Variants in EZH2 observed in about 807,000 individuals in gnomAD.
The protein encoded by EZH2 is histone-lysine N-methyltransferase EZH2.
EZH2 carries 18 observed loss-of-function variants against 98.4 expected under a neutral mutation model. The ratio of observed to expected loss-of-function variants is 0.18; its 90% CI spans 0.13 to 0.27. EZH2 has a LOEUF of 0.27. Among genes scored for constraint, EZH2 ranks in the 10% least tolerant of loss-of-function variants. EZH2 has a pLI of 1.00. For missense variants in EZH2, 470 were observed against 935.1 expected, an observed-to-expected ratio of 0.50 and a Z score of 6.49; for synonymous variants, 338 against 312.3, an observed-to-expected ratio of 1.08 and a Z score of -0.87.
chr7:148,843,583 GTTTTTTTTTTT>G (rs1157236882), intron 3 of EZH2, among the ~76,000 whole-genome samples: 27 of 64,342 alleles, frequency 4.2e-4, no homozygotes, highest in East Asian at 1.1e-3. Flanking sequence ...GGGAGTATAA[GTTTTTTTTTTT>G]TTTTTTTTTT....
chr7:148,835,423 CAAAAAAAAA>C (rs545080861), intron 3 of EZH2, among the ~76,000 whole-genome samples: 2 of 71,418 alleles, frequency 2.8e-5, no homozygotes, highest in African/African-American at 5.1e-5. Flanking sequence ...GACCCCGCCT[CAAAAAAAAA>C]AAAAAAAAGA....
intron 8 of EZH2, among the ~76,000 whole-genome samples, chr7:148,824,167 T>C (rs1806991444): frequency 6.6e-6 from 1 of 152,044 alleles, no homozygotes. Flanking sequence ...ATACAAAAAT[T>C]AGCTGGACGT....
chr7:148,826,738 T>C (rs1229553841), intron 7 of EZH2, 106 bp from the exon 8 acceptor site: 7 of 884,362 alleles, frequency 7.9e-6, no homozygotes, highest in African/African-American at 1.7e-5. Flanking sequence ...TTATCTTGCC[T>C]AAAACATAAA....
intron 3 of EZH2, among the ~76,000 whole-genome samples, chr7:148,839,414 T>C (rs1187971785): frequency 1.3e-5 from 2 of 151,218 alleles, no homozygotes; most frequent in African/African-American, 4.9e-5. Flanking sequence ...AAAGGAAAGA[T>C]AGGTAGATAA....
At chr7:148,871,403 T>TAAAAAAAAAA (rs71529646) in intron 1 of EZH2, among the ~76,000 whole-genome samples, 10 of 88,716 alleles carry the variant, frequency 1.1e-4, no homozygotes, top group Admixed American at 2.7e-4. Context: ...GACGAATAAT[T>TAAAAAAAAAA]AAAAAAAAAA....
chr7:148,816,455 G>A (rs59844609), intron 12 of EZH2, among the ~76,000 whole-genome samples: 174 of 152,296 alleles, frequency 1.1e-3, no homozygotes, highest in African/African-American at 3.7e-3. Context: ...TCTGGTAACC[G>A]TAATTTTTAT....
chr7:148,814,616 TA>T (rs1248010538), intron 14 of EZH2, among the ~76,000 whole-genome samples: 1 of 152,202 alleles, frequency 6.6e-6, no homozygotes, highest in East Asian at 1.9e-4. Flanking sequence ...AGATTCCTCT[TA>T]CAATCTGTGC....
chr7:148,855,023 G>T (rs1462001416), intron 1 of EZH2, among the ~76,000 whole-genome samples: 3 of 152,242 alleles, frequency 2.0e-5, no homozygotes, highest in Non-Finnish European at 4.4e-5. Flanking sequence ...ACCTGTCCCT[G>T]TAAAAAGGAA....
chr7:148,831,427 T>G (rs190893234), intron 4 of EZH2, among the ~76,000 whole-genome samples: 1 of 152,190 alleles, frequency 6.6e-6, no homozygotes, highest in Non-Finnish European at 1.5e-5. Flanking sequence ...TTCAATCATA[T>G]CCACATCATC....
intron 8 of EZH2, among the ~76,000 whole-genome samples, chr7:148,824,040 C>G (rs901809530): frequency 6.6e-6 from 1 of 152,112 alleles, no homozygotes; most frequent in Non-Finnish European, 1.5e-5. Context: ...ATCGACCAGG[C>G]GTGGTAGCTC....
intron 1 of EZH2, among the ~76,000 whole-genome samples, chr7:148,855,152 C>G (rs1486187413): frequency 6.6e-6 from 1 of 152,202 alleles, no homozygotes; most frequent in Non-Finnish European, 1.5e-5. Flanking sequence ...CATACAACCA[C>G]TTTGAGGGTT....
chr7:148,816,157 T>C (rs1563206771), intron 12 of EZH2, among the ~76,000 whole-genome samples: 2 of 152,124 alleles, frequency 1.3e-5, no homozygotes, highest in Admixed American at 6.5e-5. Flanking sequence ...GAGCAGATAG[T>C]CCACTCATCA....
rs75046025 is a variant in EZH2, at chr7:148,817,829, C to T, written c.1240+48G>A. The T allele has an allele frequency of 2.0e-3, 3,264 of 1,613,258 alleles. 63 individuals carry two copies. The African/African-American group carries it at 0.038, about 19-fold the overall frequency. On this transcript the variant is annotated intron_variant, in intron 10 of 19. Coordinates refer to ENST00000320356, the MANE Select transcript of EZH2 (RefSeq NM_004456.5). Reference sequence around the variant, plus strand: ...CATTATACATCCTTAATCCTCACAACACGAACTTTCACAGAACAGTAAAAC... The same window carrying T: ...CATTATACATCCTTAATCCTCACAATACGAACTTTCACAGAACAGTAAAAC...
intron 3 of EZH2, among the ~76,000 whole-genome samples, chr7:148,833,013 G>A (rs902046615): frequency 6.6e-6 from 1 of 152,058 alleles, no homozygotes; most frequent in Non-Finnish European, 1.5e-5. Context: ...ATCAAAAACT[G>A]TACTTATATG....
Position 148,827,281 on chromosome 7 carries a change from A to G in EZH2, c.626-15T>C, listed in dbSNP as rs377135033. ...GCTTTCTTTATCTAAACAGGAGAAT[A>G]TGAAAGGAAAAAAAGAATGGAAGTA... On this transcript the variant is annotated splice_polypyrimidine_tract_variant and intron_variant, in intron 6 of 19. Coordinates refer to ENST00000320356, the MANE Select transcript of EZH2 (RefSeq NM_004456.5). 1.3e-4 allele frequency: 214 copies of G among 1,588,060 alleles called. No individual in the cohort carries two copies. Among genetic ancestry groups the G allele is most frequent in the Admixed American group, 3.3e-4 (19 of 57,984 alleles).
intron 9 of EZH2, among the ~76,000 whole-genome samples, chr7:148,819,241 GA>G (rs1805350753): frequency 6.6e-6 from 1 of 152,124 alleles, no homozygotes; most frequent in African/African-American, 2.4e-5. Flanking sequence ...ATGGCTATGA[GA>G]GGGGCTTGGG....
intron 3 of EZH2, among the ~76,000 whole-genome samples, chr7:148,839,694 A>G (rs1311191866): frequency 6.6e-6 from 1 of 151,872 alleles, no homozygotes; most frequent in African/African-American, 2.4e-5. Flanking sequence ...ACAGGCGCAC[A>G]CCACCATGCC....
intron 2 of EZH2, among the ~76,000 whole-genome samples, 172 bp from the exon 3 acceptor site, chr7:148,846,770 C>T (rs1814169989): frequency 6.6e-6 from 1 of 151,680 alleles, no homozygotes; most frequent in Non-Finnish European, 1.5e-5. Flanking sequence ...AATACAAAAA[C>T]ACCACATCTG....
intron 11 of EZH2, 59 bp from the exon 12 acceptor site, chr7:148,816,837 T>G (rs1166793011): frequency 2.4e-5 from 29 of 1,221,960 alleles, no homozygotes; most frequent in Non-Finnish European, 2.4e-6. Flanking sequence ...AAACCATTCT[T>G]ATACTCATGC....
Sources: allele counts gnomAD v4.1 joint callset (sites outside exome capture counted in the v4.1 genomes callset), GRCh38; gene constraint gnomAD v4.1.1; transcripts MANE v1.5; gene names NCBI Gene and HGNC (gene_info 2026-07-23, HGNC 2026-07-21).